The following ZCCHC7 variants were observed in gnomAD, a reference collection of about 807,000 sequenced individuals.
ZCCHC7 encodes zinc finger CCHC-type containing 7.
Under a neutral mutation model 52.0 loss-of-function variants are expected in ZCCHC7, and 35 were observed. The ratio of observed to expected loss-of-function variants is 0.67; its 90% CI spans 0.51 to 0.89. The LOEUF (loss-of-function observed/expected upper bound fraction) is 0.89. ZCCHC7 is among the 40% of genes least tolerant of loss of function. The pLI, the probability that ZCCHC7 is intolerant of heterozygous loss-of-function variation, is 0.00. For missense variants in ZCCHC7, 574 were observed against 649.1 expected, an observed-to-expected ratio of 0.88 and a Z score of 1.26; for synonymous variants, 217 against 221.5, an observed-to-expected ratio of 0.98 and a Z score of 0.18.
At chr9:37,256,373 G>A (rs1260242596) in intron 2 of ZCCHC7, among the ~76,000 whole-genome samples, 5 of 152,146 alleles carry the variant, frequency 3.3e-5, no homozygotes, top group Admixed American at 2.6e-4. Context: ...TGTGTTGCTA[G>A]TAATACTAAG....
Position 37,126,589 on chromosome 9 carries a change from C to G in ZCCHC7, c.257C>G (p.Ser86Ter), listed in dbSNP as rs1293942317. Residue 86 changes from serine (S) to a stop codon, truncating the protein, a stop_gained, in exon 2 of 9, where the codon TCA becomes TGA. Coordinates refer to ENST00000336755, the MANE Select transcript of ZCCHC7 (RefSeq NM_032226.3). LOFTEE classifies it high-confidence loss of function. ...VLSDSEVIQLSDGSEVITLSD... is the reference protein window; with the variant it reads ...VLSDSEVIQL ...TCAGATAGTGAGGTCATCCAGCTGT[C>G]AGATGGGTCAGAGGTCATCACTTTG... The G allele has an allele frequency of 6.2e-7, 1 of 1,614,038 alleles. No homozygotes were observed. The highest frequency in any genetic ancestry group is 8.5e-7 in the Non-Finnish European group (1 of 1,180,044).
At position 37,167,168 on chromosome 9, in the gene ZCCHC7, A is replaced by G. The variant is rs1317097527; in HGVS notation, c.610+40226A>G. Among the ~76,000 whole-genome samples the G allele has an allele frequency of 3.0e-4, 45 of 150,384 alleles. 1 individual carries two copies. Among genetic ancestry groups the G allele is most frequent in the Admixed American group, 2.8e-3 (43 of 15,128 alleles). ...CTTTTTTCTCTCTGTTTTATTATAG[A>G]TAGTTCCTTGTTTTGTCTTCAAGGT... On this transcript the variant is annotated intron_variant, in intron 2 of 8. Transcript: ENST00000336755.
intron 2 of ZCCHC7, among the ~76,000 whole-genome samples, chr9:37,165,594 T>G (rs960905495): frequency 6.6e-6 from 1 of 152,220 alleles, no homozygotes; most frequent in Non-Finnish European, 1.5e-5. Context: ...TTACATGACT[T>G]GAATTTTCAA....
chr9:37,349,661 A>G (rs1234907532), intron 7 of ZCCHC7, among the ~76,000 whole-genome samples: 2 of 152,232 alleles, frequency 1.3e-5, no homozygotes, highest in African/African-American at 4.8e-5. Flanking sequence ...TTACATGTAC[A>G]TGAACAGGTT....
At chr9:37,208,588 A>G (rs80219532) in intron 2 of ZCCHC7, among the ~76,000 whole-genome samples, 7,726 of 152,302 alleles carry the variant, frequency 0.051, 643 homozygotes, top group African/African-American at 0.17. Flanking sequence ...CAGCATCTCT[A>G]GTAATCCTGA....
chr9:37,190,036 C>G (rs956529720), intron 2 of ZCCHC7, among the ~76,000 whole-genome samples: 1 of 152,180 alleles, frequency 6.6e-6, no homozygotes, highest in Admixed American at 6.5e-5. Context: ...TTTATACTTC[C>G]AGCTACAGAG....
At chr9:37,165,992 A>T (rs2132943341) in intron 2 of ZCCHC7, among the ~76,000 whole-genome samples, 1 of 152,354 alleles carries the variant, frequency 6.6e-6, no homozygotes, top group Middle Eastern at 3.4e-3. Flanking sequence ...TCAGGCTATC[A>T]GTTTCTTCAG....
intron 5 of ZCCHC7, among the ~76,000 whole-genome samples, chr9:37,316,896 G>GA (rs1829847722): frequency 7.3e-6 from 1 of 137,334 alleles, no homozygotes; most frequent in Admixed American, 7.2e-5. Flanking sequence ...TATACCAATA[G>GA]AAAAAAAATT....
chr9:37,175,183 T>C lies in ZCCHC7; in HGVS notation c.610+48241T>C, dbSNP rs189458840. 5.8e-3 allele frequency among the ~76,000 whole-genome samples: 876 copies of C among 152,312 alleles called. 4 individuals are homozygous for C. Among genetic ancestry groups the C allele is most frequent in the Middle Eastern group, 0.017 (5 of 292 alleles). On this transcript the variant is annotated intron_variant, in intron 2 of 8. Coordinates refer to ENST00000336755, the MANE Select transcript of ZCCHC7 (RefSeq NM_032226.3). ...TATAGTCAAGGTACCTGATACAGCC[T>C]GTTTTTCTTACCATCCTACTATGAG...
chr9:37,268,162 C>T (rs1283860284), intron 2 of ZCCHC7, among the ~76,000 whole-genome samples: 1 of 152,184 alleles, frequency 6.6e-6, no homozygotes, highest in Non-Finnish European at 1.5e-5. Context: ...CCCCACAGTG[C>T]TTAACACAGA....
At chr9:37,178,409 CAAA>C (rs34269738) in intron 2 of ZCCHC7, among the ~76,000 whole-genome samples, 6 of 77,804 alleles carry the variant, frequency 7.7e-5, no homozygotes, top group Admixed American at 1.8e-4. Context: ...TACCCCCCAC[CAAA>C]AAAAAAAAAA....
At chr9:37,353,578 T>C (rs1316880647) in intron 7 of ZCCHC7, among the ~76,000 whole-genome samples, 1 of 152,202 alleles carries the variant, frequency 6.6e-6, no homozygotes, top group Non-Finnish European at 1.5e-5. Context: ...GGATTTCAGC[T>C]ATATCAGTAA....
chr9:37,144,322 T>C (rs1158528088), intron 2 of ZCCHC7, among the ~76,000 whole-genome samples: 1 of 151,924 alleles, frequency 6.6e-6, no homozygotes, highest in Non-Finnish European at 1.5e-5. Context: ...ATATCTTCTT[T>C]GTTGAAAATC....
At chr9:37,151,202 G>A (rs576964753) in intron 2 of ZCCHC7, among the ~76,000 whole-genome samples, 2 of 151,954 alleles carry the variant, frequency 1.3e-5, no homozygotes, top group Admixed American at 6.6e-5. Flanking sequence ...TCCTGACCTC[G>A]TGATCCACCC....
At chr9:37,167,571 C>T (rs550934953) in intron 2 of ZCCHC7, among the ~76,000 whole-genome samples, 13 of 152,220 alleles carry the variant, frequency 8.5e-5, no homozygotes, top group Non-Finnish European at 1.3e-4. Context: ...GTCATACTTT[C>T]CTGCTTTTTT....
At chr9:37,355,487 C>G (rs1181305498) in intron 8 of ZCCHC7, among the ~76,000 whole-genome samples, 1 of 152,072 alleles carries the variant, frequency 6.6e-6, no homozygotes, top group African/African-American at 2.4e-5. Flanking sequence ...GCCTTTTACT[C>G]TTCTGGATTC....
chr9:37,124,326 T>C (rs1001515464), intron 1 of ZCCHC7, among the ~76,000 whole-genome samples: 34 of 151,880 alleles, frequency 2.2e-4, no homozygotes, highest in African/African-American at 7.5e-4. Flanking sequence ...TTTAAGACTT[T>C]GGAGTAGTCG....
intron 5 of ZCCHC7, among the ~76,000 whole-genome samples, chr9:37,326,707 A>G (rs1830257591): frequency 6.6e-6 from 1 of 152,012 alleles, no homozygotes; most frequent in African/African-American, 2.4e-5. Flanking sequence ...GATTGTATGA[A>G]TTACCTTTGT....
intron 3 of ZCCHC7, 121 bp downstream of exon 3, chr9:37,302,352 A>G (rs568202778): frequency 2.6e-6 from 2 of 784,050 alleles, no homozygotes; most frequent in East Asian, 2.6e-5. Flanking sequence ...TGATTTTAGC[A>G]TATGAGTGAT....
Sources: allele counts gnomAD v4.1 joint callset (sites outside exome capture counted in the v4.1 genomes callset), GRCh38; gene constraint gnomAD v4.1.1; transcripts MANE v1.5; gene names NCBI Gene and HGNC (gene_info 2026-07-23, HGNC 2026-07-21).